LAMA4: variants seen among roughly 807,000 people sequenced by gnomAD.
The protein encoded by LAMA4 is laminin subunit alpha 4.
Under a neutral mutation model 207.1 loss-of-function variants are expected in LAMA4, and 127 were observed. That is an observed-to-expected ratio of 0.61 (90% CI 0.53 to 0.71). LAMA4 has a LOEUF of 0.71. Among genes scored for constraint, LAMA4 ranks in the 30% least tolerant of loss-of-function variants. LAMA4 has a pLI of 0.00. For synonymous variants in LAMA4, 761 were observed against 816.0 expected (o/e 0.93, Z 1.15); for missense variants, 2,093 against 2,246.5 (o/e 0.93, Z 1.38).
At position 112,219,920 on chromosome 6, in the gene LAMA4, C is replaced by T. The variant is rs143961191; in HGVS notation, c.196-3451G>A. ...AGGATTTAGATCCTTCATTTTTTCC[C>T]TCAAGTTTTAGCTCTTAACCATCTT... On this transcript the variant is annotated intron_variant, in intron 2 of 38. Transcript: ENST00000230538. Among the ~76,000 whole-genome samples, 945 of 152,190 alleles carry T rather than the reference C, an allele frequency of 6.2e-3. 18 individuals are homozygous for T. The highest frequency in any genetic ancestry group is 0.022 in the African/African-American group (898 of 41,510).
intron 13 of LAMA4, chr6:112,159,101 A>G: frequency 1.9e-6 from 1 of 535,636 alleles, no homozygotes; most frequent in Non-Finnish European, 3.3e-6. Context: ...TTCACAACCC[A>G]GAAATGCTCT....
At chr6:112,142,361 C>G (rs1453944453) in intron 19 of LAMA4, 69 bp from the exon 20 acceptor site, 8 of 1,435,832 alleles carry the variant, frequency 5.6e-6, no homozygotes, top group Non-Finnish European at 7.8e-6. Context: ...CCGTGCTTCC[C>G]TCATTCGTGA....
intron 14 of LAMA4, 74 bp downstream of exon 14, chr6:112,158,658 T>C (rs1780870160): frequency 1.4e-6 from 2 of 1,380,144 alleles, no homozygotes; most frequent in African/African-American, 1.4e-5. Context: ...CCAGTAGTTC[T>C]GACATATGGA....
chr6:112,191,326 A>C (rs1388015992), intron 6 of LAMA4, among the ~76,000 whole-genome samples: 1 of 152,174 alleles, frequency 6.6e-6, no homozygotes, highest in East Asian at 1.9e-4. Context: ...AATGGCAGGT[A>C]ATCCATAGAA....
At chr6:112,216,838 G>C in intron 2 of LAMA4, 1 of 326,598 alleles carries the variant, frequency 3.1e-6, no homozygotes, top group Non-Finnish European at 5.9e-6. Context: ...CCACAATTAA[G>C]TATTAGTCAG....
chr6:112,222,096 C>T lies in LAMA4; in HGVS notation c.196-5627G>A, dbSNP rs73546233. Among the ~76,000 whole-genome samples, 1,305 of 152,274 alleles carry T rather than the reference C, an allele frequency of 8.6e-3. 26 individuals are homozygous for T. The highest frequency in any genetic ancestry group is 0.029 in the African/African-American group (1,214 of 41,560). ...CAAACCTATAAAGTGCCAAAATGAGCTAAATGGATTATGTGTTGCAGTTAC... is the reference window on the plus strand; with the variant it reads ...CAAACCTATAAAGTGCCAAAATGAGTTAAATGGATTATGTGTTGCAGTTAC... On this transcript the variant is annotated intron_variant, in intron 2 of 38. Coordinates refer to ENST00000230538, the MANE Select transcript of LAMA4 (RefSeq NM_001105206.3).
intron 8 of LAMA4, chr6:112,186,703 C>T: frequency 2.3e-6 from 1 of 438,954 alleles, no homozygotes; most frequent in Non-Finnish European, 4.5e-6. Context: ...AATGTCAATG[C>T]TGTGTAAATA....
At chr6:112,176,623 G>T (rs543083139) in intron 10 of LAMA4, among the ~76,000 whole-genome samples, 1 of 152,240 alleles carries the variant, frequency 6.6e-6, no homozygotes, top group African/African-American at 2.4e-5. Context: ...ATTAACCTGC[G>T]AAATAAACTA....
chr6:112,142,383 A>G, intron 19 of LAMA4, 91 bp from the exon 20 acceptor site: 1 of 1,168,868 alleles, frequency 8.6e-7, no homozygotes, highest in South Asian at 1.2e-5. Context: ...AGGGGCCTAT[A>G]AACTCTCTTC....
intron 4 of LAMA4, among the ~76,000 whole-genome samples, chr6:112,202,264 TTTC>T (rs1320909757): frequency 1.3e-5 from 2 of 152,168 alleles, no homozygotes; most frequent in Non-Finnish European, 2.9e-5. Flanking sequence ...ACCCTCTCTC[TTTC>T]TTCTTCTTCC....
intron 24 of LAMA4, among the ~76,000 whole-genome samples, chr6:112,136,883 A>T (rs922081166): frequency 8.5e-5 from 13 of 152,208 alleles, no homozygotes; most frequent in Non-Finnish European, 1.5e-4. Flanking sequence ...ATAGTATACC[A>T]TGTTTATTCA....
intron 38 of LAMA4, among the ~76,000 whole-genome samples, chr6:112,112,742 A>G: frequency 6.6e-6 from 1 of 152,206 alleles, no homozygotes. Flanking sequence ...TAGTATTTGA[A>G]AAATTCAGAC....
chr6:112,246,233 A>G (rs868977559), intron 2 of LAMA4, among the ~76,000 whole-genome samples: 9 of 152,346 alleles, frequency 5.9e-5, no homozygotes, highest in Middle Eastern at 3.4e-3. Flanking sequence ...TGGTCACTAT[A>G]CATCAATAGA....
At position 112,136,152 on chromosome 6, in the gene LAMA4, C is replaced by A; in HGVS notation, c.3385G>T (p.Ala1129Ser). 1 of 1,613,204 alleles carries A rather than the reference C, an allele frequency of 6.2e-7. No homozygotes were observed. The highest frequency in any genetic ancestry group is 8.5e-7 in the Non-Finnish European group (1 of 1,179,582). Reference sequence around the variant, plus strand: ...TGGTATTTTGCATCATTAATTTGAGCTTTCTTTAACGTATCTTCAAGATGC... The same window carrying A: ...TGGTATTTTGCATCATTAATTTGAGATTTCTTTAACGTATCTTCAAGATGC... The part of the protein sequence containing the change: ...PVHLEDTLKK[A>S]QINDAKYHEI... Residue 1129 changes from alanine (A) to serine (S), a missense_variant, in exon 25 of 39, where the codon GCT becomes TCT. By Grantham distance (99) the Ala-to-Ser change is moderately conservative. Transcript: ENST00000230538.
intron 2 of LAMA4, among the ~76,000 whole-genome samples, chr6:112,243,336 A>G (rs1786665248): frequency 6.6e-6 from 1 of 152,154 alleles, no homozygotes; most frequent in Admixed American, 6.5e-5. Context: ...GGACTCTTAA[A>G]GTCTTGGGTT....
chr6:112,183,274 G>A (rs782762963), intron 9 of LAMA4, among the ~76,000 whole-genome samples: 46 of 152,294 alleles, frequency 3.0e-4, no homozygotes, highest in Admixed American at 9.8e-4. Context: ...TAGAGCAAGG[G>A]CTTGAAGAAT....
intron 3 of LAMA4, among the ~76,000 whole-genome samples, chr6:112,212,522 C>A (rs1784409725): frequency 6.6e-6 from 1 of 152,168 alleles, no homozygotes; most frequent in African/African-American, 2.4e-5. Flanking sequence ...CCGTGCCCGG[C>A]CAGTTTCTGT....
chr6:112,139,645 G>A (rs1426539517), intron 23 of LAMA4, 107 bp downstream of exon 23: 1 of 1,341,340 alleles, frequency 7.5e-7, no homozygotes, highest in African/African-American at 1.4e-5. Flanking sequence ...TTTCAAAACT[G>A]GCTTCCCCAA....
chr6:112,238,479 A>G (rs1168867816), intron 2 of LAMA4, among the ~76,000 whole-genome samples: 4 of 151,874 alleles, frequency 2.6e-5, no homozygotes, highest in Admixed American at 1.3e-4. Flanking sequence ...GGAGGCCGAG[A>G]CGGTTGGATC....
Sources: gnomAD v4.1 joint callset for allele counts (sites outside exome capture counted in the v4.1 genomes callset) on GRCh38, gnomAD v4.1.1 for gene constraint, MANE v1.5 for transcripts, NCBI Gene and HGNC (gene_info 2026-07-23, HGNC 2026-07-21) for gene names.